Variants in GPA33 observed in about 807,000 individuals in gnomAD.
The protein encoded by GPA33 is glycoprotein A33, also known as cell surface A33 antigen.
In GPA33, 27 loss-of-function variants were observed where a neutral mutation model predicts 35.6. The observed-to-expected ratio is 0.76, with a 90% CI of 0.56 to 1.04. The LOEUF is 1.04. Among genes scored for constraint, GPA33 ranks in the 50% least tolerant of loss-of-function variants. GPA33 has a pLI of 0.00. For missense variants in GPA33, 428 were observed against 411.9 expected, an observed-to-expected ratio of 1.04 and a Z score of -0.34; for synonymous variants, 176 against 164.0, an observed-to-expected ratio of 1.07 and a Z score of -0.56.
chr1:167,074,734 G>A (rs1028200039), intron 1 of GPA33, among the ~76,000 whole-genome samples: 9 of 151,308 alleles, frequency 5.9e-5, no homozygotes, highest in African/African-American at 1.9e-4. Flanking sequence ...GGGAGATTGT[G>A]TAGTGGGAGG....
chr1:167,054,187 C>T lies in GPA33; in HGVS notation c.*147G>A. The T allele has an allele frequency of 9.5e-7, 1 of 1,058,088 alleles. No homozygotes were observed. The highest frequency in any genetic ancestry group is 2.2e-5 in the Admixed American group (1 of 46,298). 65.5% of individuals were successfully genotyped at this position (1,058,088 alleles called of 1,614,324 possible). ...ACCCCCTTACCAGGCCAGCCATGTT[C>T]CCCACAGCTGACACTGGGGAAGAAA... On this transcript the variant is annotated 3_prime_UTR_variant, in exon 7 of 7. Coordinates refer to ENST00000367868, the MANE Select transcript of GPA33 (RefSeq NM_005814.3).
At chr1:167,063,061 C>T (rs1035229469) in intron 4 of GPA33, among the ~76,000 whole-genome samples, 6 of 152,362 alleles carry the variant, frequency 3.9e-5, no homozygotes, top group South Asian at 2.1e-4. Context: ...ACATTTACCA[C>T]GGCTTCCGCT....
At chr1:167,062,125 G>A (rs78837439) in intron 4 of GPA33, among the ~76,000 whole-genome samples, 2 of 151,774 alleles carry the variant, frequency 1.3e-5, no homozygotes, top group African/African-American at 2.4e-5. Context: ...AAGCTAAATC[G>A]GATGGACACC....
At chr1:167,055,187 C>A (rs1666214329) in intron 5 of GPA33, 76 bp from the exon 6 acceptor site, 2 of 1,430,684 alleles carry the variant, frequency 1.4e-6, no homozygotes, top group Admixed American at 1.8e-5. Flanking sequence ...AGGGGAGCAG[C>A]AGCTACCAGC....
chr1:167,068,152 T>G (rs1471171343), intron 3 of GPA33, among the ~76,000 whole-genome samples: 4 of 152,108 alleles, frequency 2.6e-5, no homozygotes, highest in Admixed American at 6.5e-5. Context: ...ATCAATTATG[T>G]AAAAGGAAGA....
intron 1 of GPA33, chr1:167,078,586 C>T (rs1386351770): frequency 9.9e-5 from 15 of 152,244 alleles, no homozygotes; most frequent in Admixed American, 9.2e-4. Context: ...CCACTCCTAC[C>T]ACTCGTTCAT....
chr1:167,056,758 C>G (rs138267814), intron 4 of GPA33, among the ~76,000 whole-genome samples: 1 of 3,936 alleles, frequency 2.5e-4, no homozygotes, highest in African/African-American at 1.2e-3. Context: ...GTGTGTATGG[C>G]GTGTGTGTGG....
intron 1 of GPA33, among the ~76,000 whole-genome samples, chr1:167,084,084 C>G (rs12048641): frequency 0.18 from 27,976 of 152,064 alleles, 2,755 homozygotes; most frequent in Non-Finnish European, 0.22. Flanking sequence ...CTGGGCCTGG[C>G]GCTTATCGGC....
intron 4 of GPA33, among the ~76,000 whole-genome samples, chr1:167,056,719 T>TG (rs1558001926): frequency 3.2e-4 from 1 of 3,158 alleles, no homozygotes; most frequent in East Asian, 0.01. Context: ...AGTGTGTGTG[T>TG]AGTGTGTGAT....
intron 3 of GPA33, among the ~76,000 whole-genome samples, chr1:167,067,776 G>A (rs568860425): frequency 3.3e-5 from 5 of 152,188 alleles, no homozygotes; most frequent in South Asian, 2.1e-4. Flanking sequence ...GGAGAAATGC[G>A]CATGAAACAA....
intron 4 of GPA33, among the ~76,000 whole-genome samples, chr1:167,061,632 G>T (rs1266881632): frequency 9.2e-6 from 1 of 108,196 alleles, no homozygotes; most frequent in East Asian, 3.0e-4. Context: ...GTCTCGCTCT[G>T]TTGCCCAGGC....
intron 5 of GPA33, 138 bp from the exon 6 acceptor site, chr1:167,055,249 T>A (rs1666215805): frequency 1.3e-6 from 1 of 769,138 alleles, no homozygotes; most frequent in Admixed American, 2.4e-5. Context: ...TGACCAGCCA[T>A]GGCCCAGGAA....
chr1:167,090,134 T>G (rs1667125419), intron 1 of GPA33, 111 bp downstream of exon 1: 1 of 794,130 alleles, frequency 1.3e-6, no homozygotes, highest in Non-Finnish European at 2.2e-6. Context: ...GGAACGCAGC[T>G]GTGTTGCTGG....
intron 3 of GPA33, among the ~76,000 whole-genome samples, chr1:167,065,652 C>T (rs541295539): frequency 2.6e-5 from 4 of 152,338 alleles, no homozygotes; most frequent in Admixed American, 2.6e-4. Flanking sequence ...ACACACACCA[C>T]TCCCCTCTAG....
intron 1 of GPA33, among the ~76,000 whole-genome samples, chr1:167,079,896 C>T (rs1031927372): frequency 6.6e-6 from 1 of 152,192 alleles, no homozygotes; most frequent in South Asian, 2.1e-4. Context: ...TCCTTATTAG[C>T]ACTGCATCCC....
chr1:167,084,623 A>G (rs991501019), intron 1 of GPA33, among the ~76,000 whole-genome samples: 2 of 152,178 alleles, frequency 1.3e-5, no homozygotes, highest in African/African-American at 4.8e-5. Context: ...TCCAGCCATC[A>G]TGTTATGAGG....
rs546911113 is a variant in GPA33, at chr1:167,065,315, G to A, written c.416-1578C>T. On this transcript the variant is annotated intron_variant, in intron 3 of 6. Transcript: ENST00000367868. ...GGCCAGTGGTGGAGGTGGGAGTGGT[G>A]GTCGGAGAAAGAGGTGATGGTACTC... Among the ~76,000 whole-genome samples, 7 of 152,320 alleles carry A rather than the reference G, an allele frequency of 4.6e-5. No homozygotes were observed. In the South Asian group the frequency reaches 1.5e-3, roughly 32 times the overall value.
At chr1:167,061,727 G>A (rs997374416) in intron 4 of GPA33, among the ~76,000 whole-genome samples, 6 of 150,882 alleles carry the variant, frequency 4.0e-5, no homozygotes, top group African/African-American at 7.3e-5. Flanking sequence ...CTCAGCCTCC[G>A]GAGTAGCTGG....
chr1:167,073,590 A>T, intron 1 of GPA33, 51 bp from the exon 2 acceptor site: 1 of 1,505,238 alleles, frequency 6.6e-7, no homozygotes. Flanking sequence ...ACGGACAGAC[A>T]TACCCACTCA....
Sources: allele counts gnomAD v4.1 joint callset (sites outside exome capture counted in the v4.1 genomes callset), GRCh38; gene constraint gnomAD v4.1.1; transcripts MANE v1.5; gene names NCBI Gene and HGNC (gene_info 2026-07-23, HGNC 2026-07-21).